DOCK1: variants seen among roughly 807,000 people sequenced by gnomAD.
DOCK1 encodes dedicator of cytokinesis 1.
DOCK1 carries 138 observed loss-of-function variants against 262.7 expected under a neutral mutation model. The observed-to-expected ratio is 0.53, with a 90% CI of 0.46 to 0.61. DOCK1 has a LOEUF of 0.61. Among genes scored for constraint, DOCK1 ranks in the 20% least tolerant of loss-of-function variants. DOCK1 has a pLI of 0.00. For synonymous variants in DOCK1, 866 were observed against 867.4 expected (o/e 1.00, Z 0.03); for missense variants, 1,908 against 2,370.7 (o/e 0.80, Z 4.05).
intron 10 of DOCK1, among the ~76,000 whole-genome samples, chr10:127,001,797 G>A (rs568824681): frequency 1.3e-5 from 2 of 152,296 alleles, no homozygotes; most frequent in South Asian, 4.1e-4. Flanking sequence ...AGTGAAAATG[G>A]TGAGGGTGAG....
At chr10:127,252,561 G>A (rs1349181756) in intron 28 of DOCK1, among the ~76,000 whole-genome samples, 2 of 149,258 alleles carry the variant, frequency 1.3e-5, no homozygotes, top group African/African-American at 4.9e-5. Context: ...ATTAATTTTT[G>A]TATAAGGTGT....
chr10:127,027,101 G>A (rs1023682907), intron 16 of DOCK1, among the ~76,000 whole-genome samples: 1 of 152,210 alleles, frequency 6.6e-6, no homozygotes, highest in African/African-American at 2.4e-5. Context: ...ATTCATATTT[G>A]GGACAATAAA....
chr10:126,970,620 A>G, intron 1 of DOCK1, 82 bp from the exon 2 acceptor site: 2 of 1,058,888 alleles, frequency 1.9e-6, no homozygotes, highest in South Asian at 1.4e-5. Context: ...AAAAACAACA[A>G]CATTAAAACA....
chr10:127,222,678 G>A (rs1368166555), intron 27 of DOCK1, among the ~76,000 whole-genome samples: 1 of 142,450 alleles, frequency 7.0e-6, no homozygotes, highest in Non-Finnish European at 1.5e-5. Flanking sequence ...GTTGTGTTGT[G>A]TTGTGGAGAC....
At chr10:126,971,582 AATT>A (rs1269366684) in intron 2 of DOCK1, among the ~76,000 whole-genome samples, 2 of 151,852 alleles carry the variant, frequency 1.3e-5, no homozygotes, top group Non-Finnish European at 2.9e-5. Flanking sequence ...ACACTCAGCT[AATT>A]ATTTATATTT....
At chr10:126,949,046 C>G (rs978037766) in intron 1 of DOCK1, among the ~76,000 whole-genome samples, 3 of 152,172 alleles carry the variant, frequency 2.0e-5, no homozygotes, top group Non-Finnish European at 4.4e-5. Context: ...CCTGGCCACC[C>G]TTCGGGATCC....
chr10:127,353,031 G>T (rs935256317), intron 31 of DOCK1, among the ~76,000 whole-genome samples: 1 of 152,148 alleles, frequency 6.6e-6, no homozygotes, highest in Non-Finnish European at 1.5e-5. Context: ...CTCTGCTGGG[G>T]GACATGGGCG....
At chr10:127,262,115 GGTGTGT>G (rs1335837739) in intron 29 of DOCK1, among the ~76,000 whole-genome samples, 1 of 110,566 alleles carries the variant, frequency 9.0e-6, no homozygotes, top group Non-Finnish European at 1.8e-5. Flanking sequence ...TGTGCATGTG[GGTGTGT>G]GTGTGTGTAC....
rs779095586 is a variant in DOCK1, at chr10:126,981,921, A to G, written c.175A>G (p.Ile59Val). 3 of 1,613,134 alleles carry G rather than the reference A, an allele frequency of 1.9e-6. No individual in the cohort carries two copies. Among genetic ancestry groups the G allele is most frequent in the East Asian group, 4.5e-5 (2 of 44,872 alleles). Residue 59 changes from isoleucine to valine, a missense_variant, in exon 4 of 52, where the codon ATA becomes GTA. This residue lies in a region of DOCK1 where 227 missense variants were observed against 254.1 expected (regional missense o/e 0.89). Transcript: ENST00000623213. ...TGTTTTTTTTTTCCTCCCAAAGGGTATATTTCCTGCTTCATATATTCATCT... is the reference window on the plus strand; with the variant it reads ...TGTTTTTTTTTTCCTCCCAAAGGGTGTATTTCCTGCTTCATATATTCATCT... ...YTLRKKSKKGIFPASYIHLKE... is the reference protein window; with the variant it reads ...YTLRKKSKKGVFPASYIHLKE...
In DOCK1 at chr10:127,227,265, C is replaced by G. The variant is rs74158634; in HGVS notation, c.2848-20743C>G. Among the ~76,000 whole-genome samples, 1,299 of 152,308 alleles carry G rather than the reference C, an allele frequency of 8.5e-3. 21 individuals carry two copies. Among genetic ancestry groups the G allele is most frequent in the African/African-American group, 0.029 (1,226 of 41,568 alleles). ...TTAGGGCCATGGCAGCACAAATACACTTAGTAGGTGAGGCCATGAGGACAC... is the reference window on the plus strand; with the variant it reads ...TTAGGGCCATGGCAGCACAAATACAGTTAGTAGGTGAGGCCATGAGGACAC... On this transcript the variant is annotated intron_variant, in intron 27 of 51. Transcript: ENST00000623213.
intron 25 of DOCK1, among the ~76,000 whole-genome samples, chr10:127,123,814 C>G (rs2133057979): frequency 6.6e-6 from 1 of 152,314 alleles, no homozygotes; most frequent in South Asian, 2.1e-4. Context: ...TGTGGGATTC[C>G]AGACACCACA....
In DOCK1 at chr10:127,451,463, TC is replaced by T; in HGVS notation, c.*40del. 1 of 1,553,074 alleles carries T rather than the reference TC, an allele frequency of 6.4e-7. No individual in the cohort carries two copies. Among genetic ancestry groups the T allele is most frequent in the Non-Finnish European group, 8.7e-7 (1 of 1,148,546 alleles). The stretch of plus-strand genomic sequence containing the variant: ...CTCTCTGGAAAGAGTGTGCTGCCCC[TC>T]CCCATCTCCATGCCCTCTCCTTCTG... On this transcript the variant is annotated 3_prime_UTR_variant, in exon 52 of 52. Coordinates refer to ENST00000623213, the MANE Select transcript of DOCK1 (RefSeq NM_001290223.2).
chr10:127,071,501 C>G (rs2046232179), intron 23 of DOCK1, among the ~76,000 whole-genome samples: 1 of 152,174 alleles, frequency 6.6e-6, no homozygotes, highest in African/African-American at 2.4e-5. Flanking sequence ...TTCAGCAAAC[C>G]AAGTATTTCT....
chr10:127,261,221 ATGTGGGTGTGCG>A (rs2060075456), intron 29 of DOCK1, among the ~76,000 whole-genome samples: 1 of 34,306 alleles, frequency 2.9e-5, no homozygotes, highest in Non-Finnish European at 5.8e-5. Flanking sequence ...ATGTGTGTGC[ATGTGGGTGTGCG>A]TGTGTGTACC....
chr10:127,410,492 G>A (rs1212393548), intron 42 of DOCK1, among the ~76,000 whole-genome samples: 1 of 152,184 alleles, frequency 6.6e-6, no homozygotes, highest in East Asian at 1.9e-4. Context: ...TGAAACTAAG[G>A]TATGTAATAC....
intron 29 of DOCK1, among the ~76,000 whole-genome samples, chr10:127,263,265 G>A (rs1207967724): frequency 1.1e-5 from 1 of 87,086 alleles, no homozygotes; most frequent in Non-Finnish European, 2.4e-5. Context: ...CGTCTCCCTA[G>A]CATTGTCATA....
chr10:127,417,383 G>A (rs2068223304), intron 44 of DOCK1, among the ~76,000 whole-genome samples: 1 of 152,206 alleles, frequency 6.6e-6, no homozygotes, highest in African/African-American at 2.4e-5. Context: ...GCCAGGCCCT[G>A]TGGGGCCCTC....
intron 1 of DOCK1, among the ~76,000 whole-genome samples, chr10:126,937,830 C>G (rs943740435): frequency 2.0e-5 from 3 of 152,202 alleles, no homozygotes; most frequent in Non-Finnish European, 4.4e-5. Flanking sequence ...TCCTTTGATA[C>G]ACAAAAGTTT....
At chr10:126,958,614 T>A (rs956675696) in intron 1 of DOCK1, among the ~76,000 whole-genome samples, 1 of 152,134 alleles carries the variant, frequency 6.6e-6, no homozygotes, top group African/African-American at 2.4e-5. Context: ...AGGTAGGTTT[T>A]CTCTAGAAGG....
Sources: allele counts gnomAD v4.1 joint callset (sites outside exome capture counted in the v4.1 genomes callset), GRCh38; gene constraint gnomAD v4.1.1; regional missense constraint gnomAD v4.1.1; transcripts MANE v1.5; gene names NCBI Gene and HGNC (gene_info 2026-07-23, HGNC 2026-07-21).